The following LEPR variants were observed in gnomAD, a reference collection of about 807,000 sequenced individuals.
LEPR encodes leptin receptor.
LEPR carries 56 observed loss-of-function variants against 114.7 expected under a neutral mutation model. That is an observed-to-expected ratio of 0.49 (90% CI 0.39 to 0.61). The LOEUF is 0.61. Ranked by LOEUF, LEPR falls within the 20% of genes least tolerant of loss-of-function variation. The pLI is 0.00. For missense variants in LEPR, 1,202 were observed against 1,352.9 expected, an observed-to-expected ratio of 0.89 and a Z score of 1.75; for synonymous variants, 443 against 461.4, an observed-to-expected ratio of 0.96 and a Z score of 0.51.
At chr1:65,490,857 A>G (rs1309275888) in intron 2 of LEPR, among the ~76,000 whole-genome samples, 1 of 152,058 alleles carries the variant, frequency 6.6e-6, no homozygotes, top group African/African-American at 2.4e-5. Flanking sequence ...CTCCTTCCTG[A>G]TTGCGTTTCC....
intron 2 of LEPR, among the ~76,000 whole-genome samples, chr1:65,456,344 G>A (rs918346806): frequency 6.6e-6 from 1 of 152,078 alleles, no homozygotes; most frequent in Non-Finnish European, 1.5e-5. Context: ...AATTGATGGT[G>A]TTGTTGAGTT....
At chr1:65,568,114 C>G (rs1057339849) in intron 3 of LEPR, among the ~76,000 whole-genome samples, 1 of 152,132 alleles carries the variant, frequency 6.6e-6, no homozygotes, top group Non-Finnish European at 1.5e-5. Flanking sequence ...GATCTTTTTA[C>G]TGTTTCCATA....
intron 15 of LEPR, among the ~76,000 whole-genome samples, chr1:65,617,714 A>G (rs1216535470): frequency 6.6e-6 from 1 of 152,142 alleles, no homozygotes; most frequent in Non-Finnish European, 1.5e-5. Context: ...TGCCTTTTTG[A>G]ATATATCAAA....
At chr1:65,554,356 T>C (rs1652656565) in intron 2 of LEPR, among the ~76,000 whole-genome samples, 1 of 151,346 alleles carries the variant, frequency 6.6e-6, no homozygotes, top group African/African-American at 2.4e-5. Context: ...GAGATGGGAG[T>C]TTTATCTATA....
chr1:65,606,355 A>T (rs1182789598), intron 11 of LEPR, among the ~76,000 whole-genome samples: 1 of 152,192 alleles, frequency 6.6e-6, no homozygotes, highest in Non-Finnish European at 1.5e-5. Flanking sequence ...GCCTGGATTC[A>T]GTAACATATG....
chr1:65,433,251 T>C (rs1288852332), intron 2 of LEPR: 4 of 985,140 alleles, frequency 4.1e-6, no homozygotes, highest in East Asian at 1.1e-4. Context: ...ATAGGAGCCA[T>C]GTAAGCACGC....
At chr1:65,499,393 T>A (rs1373493867) in intron 2 of LEPR, among the ~76,000 whole-genome samples, 2 of 152,028 alleles carry the variant, frequency 1.3e-5, no homozygotes, top group Non-Finnish European at 2.9e-5. Context: ...TTCTGAATAA[T>A]CCAAAATTTT....
At chr1:65,590,724 C>T (rs1655639372) in intron 5 of LEPR, among the ~76,000 whole-genome samples, 1 of 152,044 alleles carries the variant, frequency 6.6e-6, no homozygotes. Flanking sequence ...TAAGAATGGA[C>T]TAATACAGTC....
intron 2 of LEPR, among the ~76,000 whole-genome samples, chr1:65,503,814 C>CACAT (rs1359024123): frequency 6.6e-6 from 1 of 151,856 alleles, no homozygotes; most frequent in African/African-American, 2.4e-5. Flanking sequence ...CACACACACA[C>CACAT]ACACACACAC....
At chr1:65,565,175 A>T (rs1338386076) in intron 2 of LEPR, among the ~76,000 whole-genome samples, 7 of 152,366 alleles carry the variant, frequency 4.6e-5, no homozygotes, top group African/African-American at 1.4e-4. Flanking sequence ...TGAGCATGAA[A>T]GAAATTGAAG....
chr1:65,631,132 A>T (rs1324004007), intron 19 of LEPR, among the ~76,000 whole-genome samples: 1 of 152,110 alleles, frequency 6.6e-6, no homozygotes, highest in African/African-American at 2.4e-5. Flanking sequence ...ATGAGGAAAG[A>T]TGTGCTCTCA....
chr1:65,452,411 G>C, intron 2 of LEPR, among the ~76,000 whole-genome samples: 1 of 150,394 alleles, frequency 6.6e-6, no homozygotes. Flanking sequence ...TATTGGCTGT[G>C]GGTTTGTCAT....
chr1:65,577,159 T>C (rs1284820903), intron 5 of LEPR: 2 of 162,368 alleles, frequency 1.2e-5, no homozygotes, highest in Admixed American at 1.3e-4. Flanking sequence ...TCCACACAGA[T>C]GACAGCCAGC....
chr1:65,421,055 T>C (rs1646238711), intron 1 of LEPR, among the ~76,000 whole-genome samples: 1 of 152,224 alleles, frequency 6.6e-6, no homozygotes, highest in Non-Finnish European at 1.5e-5. Context: ...AAACAAGGTT[T>C]CCACTTCTTG....
intron 2 of LEPR, among the ~76,000 whole-genome samples, chr1:65,528,715 C>T: frequency 6.6e-6 from 1 of 152,018 alleles, no homozygotes; most frequent in South Asian, 2.1e-4. Context: ...TCACCACCCC[C>T]AAAAAAAGAA....
intron 16 of LEPR, among the ~76,000 whole-genome samples, 166 bp downstream of exon 16, chr1:65,618,312 C>CTCTTCTCTT (rs1570832042): frequency 1.3e-5 from 2 of 150,148 alleles, no homozygotes; most frequent in East Asian, 4.0e-4. Context: ...TAATTCTCTT[C>CTCTTCTCTT]CTCTTCTCTT....
intron 5 of LEPR, among the ~76,000 whole-genome samples, chr1:65,580,318 T>C (rs1313569927): frequency 6.6e-6 from 1 of 152,194 alleles, no homozygotes; most frequent in African/African-American, 2.4e-5. Context: ...AAATCCATAA[T>C]GGTGATTACT....
chr1:65,446,710 A>G (rs1167844328), intron 2 of LEPR, among the ~76,000 whole-genome samples: 1 of 152,128 alleles, frequency 6.6e-6, no homozygotes. Flanking sequence ...ATATTTATCC[A>G]GTGCATGGCT....
chr1:65,598,154 G>A (rs1656204060), intron 7 of LEPR, among the ~76,000 whole-genome samples: 1 of 128,104 alleles, frequency 7.8e-6, no homozygotes, highest in Non-Finnish European at 1.6e-5. Flanking sequence ...GGCTGGTCTT[G>A]AACTCCTGGG....
Sources: allele counts gnomAD v4.1 joint callset (sites outside exome capture counted in the v4.1 genomes callset), GRCh38; gene constraint gnomAD v4.1.1; transcripts MANE v1.5; gene names NCBI Gene and HGNC (gene_info 2026-07-23, HGNC 2026-07-21).